Variants in SH3PXD2A observed in about 807,000 individuals in gnomAD.
The protein encoded by SH3PXD2A is SH3 and PX domains 2A.
A neutral mutation model predicts 115.2 loss-of-function variants in SH3PXD2A; 32 were observed. That is an observed-to-expected ratio of 0.28 (90% confidence interval 0.21 to 0.37). The LOEUF (loss-of-function observed/expected upper bound fraction) is 0.37. Ranked by LOEUF, SH3PXD2A falls within the 10% of genes least tolerant of loss-of-function variation. The pLI is 1.00. For missense variants in SH3PXD2A, 1,328 were observed against 1,498.7 expected (o/e 0.89, Z 1.88); for synonymous variants, 610 against 629.1 (o/e 0.97, Z 0.45).
chr10:103,686,088 T>A lies in SH3PXD2A; in HGVS notation c.427+6940A>T, dbSNP rs562160473. ...ATGCTGATCTCATGAACTCAGCTAA[T>A]AATACAGTTTTATGATCACTGAGAT... On this transcript the variant is annotated intron_variant, in intron 6 of 14. Transcript: ENST00000369774. 2.6e-5 allele frequency among the ~76,000 whole-genome samples: 4 copies of A among 152,328 alleles called. No individual in the cohort carries two copies. The East Asian group carries it at 7.7e-4, about 29-fold the overall frequency.
At chr10:103,788,750 C>G (rs1347460728) in intron 2 of SH3PXD2A, among the ~76,000 whole-genome samples, 3 of 152,084 alleles carry the variant, frequency 2.0e-5, no homozygotes, top group Non-Finnish European at 4.4e-5. Flanking sequence ...ACCTGTAATC[C>G]CAGCTACTCT....
intron 3 of SH3PXD2A, among the ~76,000 whole-genome samples, chr10:103,761,866 G>A (rs572112136): frequency 1.1e-4 from 17 of 152,226 alleles, no homozygotes; most frequent in African/African-American, 4.1e-4. Context: ...GAAGAATCGC[G>A]GCTCTGCTGC....
chr10:103,759,995 G>C (rs2038682997), intron 3 of SH3PXD2A, among the ~76,000 whole-genome samples: 1 of 152,218 alleles, frequency 6.6e-6, no homozygotes, highest in Admixed American at 6.5e-5. Flanking sequence ...ACTGCTTTTT[G>C]TTTTGGATGA....
chr10:103,772,190 G>A (rs992534141), intron 2 of SH3PXD2A, among the ~76,000 whole-genome samples: 2 of 152,202 alleles, frequency 1.3e-5, no homozygotes, highest in African/African-American at 4.8e-5. Flanking sequence ...CAGATCGGCG[G>A]GCGGTGAGAG....
chr10:103,638,069 A>G (rs544297538), intron 8 of SH3PXD2A, among the ~76,000 whole-genome samples: 86 of 152,260 alleles, frequency 5.6e-4, no homozygotes, highest in African/African-American at 2.0e-3. Flanking sequence ...GTCCAAAGCA[A>G]ACAGGAGCGA....
rs776423838 is a variant in SH3PXD2A at position 103,602,481 on chromosome 10, G to A, written c.2737C>T (p.Pro913Ser). 3 of 1,614,138 alleles carry A rather than the reference G, an allele frequency of 1.9e-6. No homozygotes were observed. The highest frequency in any genetic ancestry group is 2.5e-6 in the Non-Finnish European group (3 of 1,180,016). Residue 913 changes from proline (P) to serine (S), a missense_variant, in exon 15 of 15, where the codon CCC becomes TCC. Physicochemically the swap from Pro to Ser is moderately conservative, Grantham distance 74. Transcript: ENST00000369774. ...CCTTCGTTCTGCCTGCCCTTGGCGG[G>A]CACTGTGTCCAGCTCTTTGCCAGAG... ...DPSGKELDTV[P>S]AKGRQNEGKS...
chr10:103,754,347 G>C (rs865875189), intron 3 of SH3PXD2A: 1 of 152,150 alleles, frequency 6.6e-6, no homozygotes, highest in Non-Finnish European at 1.5e-5. Context: ...GCTGGTACAG[G>C]AGTGTGCCAC....
chr10:103,696,451 G>C lies in SH3PXD2A; in HGVS notation c.399-3395C>G, dbSNP rs1050236080. ...CCAGTTCCAGTCTGGCAGGACAGCA[G>C]GGCCCTCTGCTGGGGCTCAGTTCCC... On this transcript the variant is annotated intron_variant, in intron 5 of 14. Coordinates refer to ENST00000369774, the MANE Select transcript of SH3PXD2A (RefSeq NM_001394015.1). 3.9e-5 allele frequency among the ~76,000 whole-genome samples: 6 copies of C among 152,242 alleles called. No homozygotes were observed. The South Asian group carries it at 1.2e-3, about 32-fold the overall frequency.
chr10:103,628,789 C>G (rs2036735641), intron 8 of SH3PXD2A, among the ~76,000 whole-genome samples: 1 of 152,182 alleles, frequency 6.6e-6, no homozygotes, highest in South Asian at 2.1e-4. Context: ...CCATCAGAGT[C>G]AGGAAGAACT....
At chr10:103,818,947 C>T (rs1403105770) in intron 1 of SH3PXD2A, among the ~76,000 whole-genome samples, 1 of 152,224 alleles carries the variant, frequency 6.6e-6, no homozygotes. Context: ...TGACCGTTCC[C>T]CCAACCCATT....
chr10:103,793,244 C>T (rs1032825570), intron 2 of SH3PXD2A, among the ~76,000 whole-genome samples: 3 of 152,114 alleles, frequency 2.0e-5, no homozygotes, highest in African/African-American at 7.2e-5. Context: ...AGTCGGATAC[C>T]AATCTGGAGT....
At chr10:103,661,638 C>G in intron 7 of SH3PXD2A, 6 of 984,794 alleles carry the variant, frequency 6.1e-6, no homozygotes, top group Non-Finnish European at 7.2e-6. Context: ...CCTGCAAACC[C>G]GAGAGAAAAG....
rs185530606 is a variant in SH3PXD2A, at chr10:103,687,843, C to G, written c.427+5185G>C. Among the ~76,000 whole-genome samples, 289 of 152,324 alleles carry G rather than the reference C, an allele frequency of 1.9e-3. 1 individual carries two copies. Among genetic ancestry groups the G allele is most frequent in the Non-Finnish European group, 3.2e-3 (216 of 68,026 alleles). On this transcript the variant is annotated intron_variant, in intron 6 of 14. Transcript: ENST00000369774. ...TCACCTCTTTCCACTTTACCCTCCA[C>G]TATTCTTCATCCCAGCCACAGGCCT... is the stretch of plus-strand genomic sequence containing the variant.
At chr10:103,605,777 G>C in intron 14 of SH3PXD2A, 21 bp downstream of exon 14, 1 of 1,614,028 alleles carries the variant, frequency 6.2e-7, no homozygotes, top group South Asian at 1.1e-5. Context: ...AAAACCCTCG[G>C]CCTCATGGCC....
At chr10:103,745,466 A>C (rs2038490865) in intron 3 of SH3PXD2A, among the ~76,000 whole-genome samples, 1 of 152,218 alleles carries the variant, frequency 6.6e-6, no homozygotes, top group Non-Finnish European at 1.5e-5. Context: ...CAGACTACAA[A>C]ATGGGAGGCA....
chr10:103,681,963 T>C (rs1416716380), intron 6 of SH3PXD2A, among the ~76,000 whole-genome samples: 9 of 152,184 alleles, frequency 5.9e-5, no homozygotes, highest in African/African-American at 1.9e-4. Flanking sequence ...GACACGCTGA[T>C]TCAGTAGGTC....
chr10:103,726,162 G>A (rs1374104695), intron 4 of SH3PXD2A, among the ~76,000 whole-genome samples: 1 of 152,186 alleles, frequency 6.6e-6, no homozygotes, highest in East Asian at 1.9e-4. Context: ...CCCAGGACTG[G>A]AGGAGTCAAC....
chr10:103,821,175 C>T (rs1316291406), intron 1 of SH3PXD2A, among the ~76,000 whole-genome samples: 1 of 132,340 alleles, frequency 7.6e-6, no homozygotes, highest in African/African-American at 2.8e-5. Context: ...GACAGTCTTG[C>T]TCTGTCACCC....
intron 6 of SH3PXD2A, among the ~76,000 whole-genome samples, chr10:103,689,205 G>A (rs1186392078): frequency 2.0e-5 from 3 of 152,120 alleles, no homozygotes; most frequent in East Asian, 3.9e-4. Context: ...CACTCTAGCT[G>A]TGGTGTGGAG....
Sources: gnomAD v4.1 joint callset for allele counts (sites outside exome capture counted in the v4.1 genomes callset) on GRCh38, gnomAD v4.1.1 for gene constraint, MANE v1.5 for transcripts, NCBI Gene and HGNC (gene_info 2026-07-23, HGNC 2026-07-21) for gene names.